LINC00632: variants seen among roughly 807,000 people sequenced by gnomAD.
LINC00632 encodes ALDOA related specific transcript.
chrX:140,717,907 C>G (rs371220735), intron 2 of LINC00632, among the ~76,000 whole-genome samples: 43 of 111,014 alleles, frequency 3.9e-4, no homozygotes, highest in African/African-American at 1.4e-3. Flanking sequence ...GAGGCCGAGA[C>G]GGGTGGATTA....
chrX:140,747,867 G>A (rs758989563), intron 3 of LINC00632, among the ~76,000 whole-genome samples: 3 of 111,342 alleles, frequency 2.7e-5, no homozygotes, highest in Non-Finnish European at 5.7e-5. Flanking sequence ...CACTCTTGTC[G>A]CCCAGGCTGA....
exon 5 of LINC00632, among the ~76,000 whole-genome samples, chrX:140,781,782 G>C (rs1171990803): frequency 1.8e-5 from 2 of 111,776 alleles, no homozygotes; most frequent in Non-Finnish European, 3.8e-5. Context: ...TTTAAGTAAA[G>C]TTTTAATGCA....
chrX:140,719,913 C>T (rs1009535778), intron 2 of LINC00632, among the ~76,000 whole-genome samples: 1 of 108,794 alleles, frequency 9.2e-6, no homozygotes, highest in South Asian at 4.2e-4. Context: ...CATGGTGAAA[C>T]CCTGACTCTA....
At chrX:140,714,515 C>T (rs1186405660) in intron 2 of LINC00632, 3 of 112,456 alleles carry the variant, frequency 2.7e-5, no homozygotes, top group African/African-American at 9.8e-5. Context: ...AAGACACACT[C>T]ACCACACAAT....
chrX:140,740,486 TC>T (rs1449873392), intron 3 of LINC00632, among the ~76,000 whole-genome samples: 1 of 110,822 alleles, frequency 9.0e-6, no homozygotes, highest in Non-Finnish European at 1.9e-5. Context: ...TTATGGCACA[TC>T]CCTGATTCTA....
At chrX:140,745,572 T>C (rs1035965273) in intron 3 of LINC00632, among the ~76,000 whole-genome samples, 5 of 111,292 alleles carry the variant, frequency 4.5e-5, no homozygotes, top group African/African-American at 1.6e-4. Context: ...TCAGATTGCA[T>C]TGTCGATTCA....
rs5907637 is a variant in LINC00632 at position 140,771,648 on chromosome X, C to A, written n.192-430C>A. On this transcript the variant is annotated intron_variant and non_coding_transcript_variant, in intron 3 of 4. Transcript: ENST00000648200. ...ACACACACACACACACACACACATA[C>A]ATATATGTGTGTGTGTGTATATATA... 3.1e-3 allele frequency among the ~76,000 whole-genome samples: 268 copies of A among 86,228 alleles called. 7 individuals carry two copies. The highest frequency in any genetic ancestry group is 0.011 in the African/African-American group (255 of 23,445). 74.9% of individuals were successfully genotyped at this position (86,228 alleles called of 115,157 possible).
At chrX:140,711,740 C>T (rs778310495) in intron 2 of LINC00632, 2 of 165,762 alleles carry the variant, frequency 1.2e-5, no homozygotes, top group Non-Finnish European at 2.6e-5. Flanking sequence ...TATTTTCCAG[C>T]CATTGTTTTC....
chrX:140,768,809 G>T (rs1331305544), intron 3 of LINC00632, among the ~76,000 whole-genome samples: 1 of 99,775 alleles, frequency 1.0e-5, no homozygotes, highest in Non-Finnish European at 2.0e-5. Context: ...TAGTGTATAA[G>T]TATATATATT....
chrX:140,711,085 ATCCTCC>A (rs1930505567), intron 1 of LINC00632, among the ~76,000 whole-genome samples: 1 of 111,546 alleles, frequency 9.0e-6, no homozygotes, highest in Non-Finnish European at 1.9e-5. Context: ...GTTTTGCGTG[ATCCTCC>A]ACTGGTGTAT....
At chrX:140,775,549 C>G (rs189501136) in exon 5 of LINC00632, among the ~76,000 whole-genome samples, 1 of 111,925 alleles carries the variant, frequency 8.9e-6, no homozygotes, top group Non-Finnish European at 1.9e-5. Context: ...CAAATAACAT[C>G]GCTGTTGTTT....
chrX:140,728,930 A>G (rs940685360), intron 2 of LINC00632, among the ~76,000 whole-genome samples: 2 of 111,147 alleles, frequency 1.8e-5, no homozygotes, highest in Admixed American at 1.9e-4. Flanking sequence ...ATAAAAATGT[A>G]CGTGACAATT....
exon 5 of LINC00632, among the ~76,000 whole-genome samples, chrX:140,779,061 T>G (rs1487734793): frequency 8.9e-6 from 1 of 111,886 alleles, no homozygotes; most frequent in Non-Finnish European, 1.9e-5. Context: ...CACTGCCATG[T>G]AAATGGGTGT....
intron 3 of LINC00632, among the ~76,000 whole-genome samples, chrX:140,769,949 C>T (rs78367295): frequency 0.071 from 7,890 of 111,387 alleles, 559 homozygotes; most frequent in African/African-American, 0.21. Context: ...TTCCAGTTAC[C>T]GTCAAGGCAT....
intron 3 of LINC00632, among the ~76,000 whole-genome samples, chrX:140,746,986 G>C (rs952002511): frequency 8.9e-6 from 1 of 111,854 alleles, no homozygotes; most frequent in Admixed American, 9.6e-5. Flanking sequence ...AGATTTGAAA[G>C]ACAGGGCATG....
At chrX:140,739,500 C>T (rs192212225) in intron 3 of LINC00632, among the ~76,000 whole-genome samples, 257 of 110,758 alleles carry the variant, frequency 2.3e-3, no homozygotes, top group Admixed American at 5.5e-3. Context: ...GGATCACAGC[C>T]GTAAGCCGCC....
chrX:140,753,271 C>T (rs1196394050), intron 3 of LINC00632, among the ~76,000 whole-genome samples: 2 of 112,021 alleles, frequency 1.8e-5, no homozygotes, highest in Admixed American at 9.5e-5. Flanking sequence ...TTGGGATAAG[C>T]CTTCCACTCT....
exon 5 of LINC00632, among the ~76,000 whole-genome samples, chrX:140,780,350 G>A (rs1306093101): frequency 9.0e-6 from 1 of 111,688 alleles, no homozygotes; most frequent in Admixed American, 9.5e-5. Flanking sequence ...GTTTAAAAAT[G>A]AGTTTTAGTA....
chrX:140,783,837 C>A (rs1199623716), exon 5 of LINC00632: 1 of 1,209,418 alleles, frequency 8.3e-7, no homozygotes. Flanking sequence ...CTTCCAGTAA[C>A]CTCCCAGTCT....
Sources: allele counts gnomAD v4.1 joint callset (sites outside exome capture counted in the v4.1 genomes callset), GRCh38; gene constraint gnomAD v4.1.1; transcripts MANE v1.5; gene names NCBI Gene and HGNC (gene_info 2026-07-23, HGNC 2026-07-21).